The following SERTM1 variants were observed in gnomAD, a reference collection of about 807,000 sequenced individuals.
SERTM1 encodes serine-rich and transmembrane domain-containing protein 1.
In SERTM1, 1 loss-of-function variant was observed where a neutral mutation model predicts 5.5. The observed-to-expected ratio is 0.18, with a 90% confidence interval of 0.06 to 0.86. The LOEUF (loss-of-function observed/expected upper bound fraction) is 0.86. Among genes scored for constraint, SERTM1 ranks in the 40% least tolerant of loss-of-function variants. The pLI is 0.69. For missense variants in SERTM1, 91 were observed against 122.4 expected (o/e 0.74, Z 1.21); for synonymous variants, 52 against 55.1 (o/e 0.94, Z 0.25).
chr13:36,676,494 T>C (rs2056670881), intron 1 of SERTM1, among the ~76,000 whole-genome samples: 1 of 152,162 alleles, frequency 6.6e-6, no homozygotes, highest in Admixed American at 6.5e-5. Context: ...AAAATAAAAT[T>C]ATGGCTGAAT....
intron 1 of SERTM1, among the ~76,000 whole-genome samples, chr13:36,686,708 G>A (rs943704147): frequency 2.6e-4 from 39 of 152,174 alleles, no homozygotes; most frequent in African/African-American, 9.2e-4. Context: ...TTTAATATTG[G>A]TATAATTATC....
intron 1 of SERTM1, among the ~76,000 whole-genome samples, chr13:36,677,267 C>G (rs895803285): frequency 5.3e-5 from 8 of 152,154 alleles, no homozygotes; most frequent in Non-Finnish European, 7.3e-5. Context: ...CGTCAAACAG[C>G]CGTACACACT....
At chr13:36,684,314 G>A (rs1057235005) in intron 1 of SERTM1, among the ~76,000 whole-genome samples, 5 of 151,998 alleles carry the variant, frequency 3.3e-5, no homozygotes, top group East Asian at 1.9e-4. Context: ...AATTCTCTGA[G>A]CTTTAATTTT....
At chr13:36,685,764 C>T (rs917570111) in intron 1 of SERTM1, among the ~76,000 whole-genome samples, 2 of 152,112 alleles carry the variant, frequency 1.3e-5, no homozygotes, top group Non-Finnish European at 2.9e-5. Flanking sequence ...GGAGTGTGAG[C>T]CTTTTTATCT....
chr13:36,690,749 A>G (rs993431802), intron 1 of SERTM1, among the ~76,000 whole-genome samples: 1 of 152,256 alleles, frequency 6.6e-6, no homozygotes, highest in Non-Finnish European at 1.5e-5. Context: ...ATCTAAAACC[A>G]TTAATTCCAT....
chr13:36,687,344 A>G (rs1346496202), intron 1 of SERTM1, among the ~76,000 whole-genome samples: 2 of 152,210 alleles, frequency 1.3e-5, no homozygotes, highest in Admixed American at 1.3e-4. Flanking sequence ...TAGTTTAAAC[A>G]AATACATGAT....
chr13:36,692,864 G>A (rs1309429749), intron 1 of SERTM1, among the ~76,000 whole-genome samples: 12 of 152,200 alleles, frequency 7.9e-5, no homozygotes, highest in African/African-American at 2.9e-4. Context: ...TCACTGTCTA[G>A]CTATGTACCC....
intron 1 of SERTM1, among the ~76,000 whole-genome samples, chr13:36,685,179 ATT>A: frequency 6.6e-6 from 1 of 152,284 alleles, no homozygotes; most frequent in East Asian, 1.9e-4. Flanking sequence ...ACATGTAGAC[ATT>A]TTCTTTATTA....
Position 36,696,506 on chromosome 13 carries a change from T to A in SERTM1, c.*1104T>A, listed in dbSNP as rs2056815019. 1 of 166,948 alleles carries A rather than the reference T, an allele frequency of 6.0e-6. No individual in the cohort carries two copies. The highest frequency in any genetic ancestry group is 2.4e-5 in the African/African-American group (1 of 41,390). The allele number at this position is 166,948 out of a possible 1,614,324, so 10.3% of individuals were successfully genotyped here. A position where few individuals can be genotyped will look rare whatever the true frequency, so the allele number is the denominator to read the frequency against. On this transcript the variant is annotated 3_prime_UTR_variant, in exon 2 of 2. Transcript: ENST00000315190. The stretch of plus-strand genomic sequence containing the variant: ...CTACATTAGGATTTCAGGATGTGAG[T>A]TTGTATTAAAAATTGTAGGCACTCA...
Position 36,695,152 on chromosome 13 carries a change from C to T in SERTM1, c.74C>T (p.Thr25Ile). The change falls in exon 2 of 2, where the codon ACA (threonine) becomes ATA (isoleucine). Residue 25 changes from threonine (T) to isoleucine (I), a missense_variant. Transcript: ENST00000315190. ...ENGTFLELFP[T>I]SLSTSVDPSS... is the part of the protein sequence containing the mutation. The stretch of plus-strand genomic sequence containing the variant: ...GGAACTTTTCTTGAGCTGTTTCCCA[C>T]ATCCCTGTCCACGTCAGTGGACCCA... 1.2e-6 allele frequency: 2 copies of T among 1,614,200 alleles called. No homozygotes were observed. Among genetic ancestry groups the T allele is most frequent in the Non-Finnish European group, 1.7e-6 (2 of 1,179,992 alleles).
intron 1 of SERTM1, among the ~76,000 whole-genome samples, chr13:36,688,219 A>AT (rs948574969): frequency 9.8e-4 from 141 of 143,926 alleles, no homozygotes; most frequent in African/African-American, 1.0e-3. Flanking sequence ...TATTTCATGT[A>AT]TTTTTTTTTT....
chr13:36,686,822 TGAGGATCCTTATAA>T (rs1457076176), intron 1 of SERTM1, among the ~76,000 whole-genome samples: 13 of 152,170 alleles, frequency 8.5e-5, no homozygotes, highest in Admixed American at 8.5e-4. Context: ...GATCTTACAT[TGAGGATCCTTATAA>T]GGGAAGAAAT....
At chr13:36,681,280 A>C (rs1163136302) in intron 1 of SERTM1, among the ~76,000 whole-genome samples, 1 of 152,160 alleles carries the variant, frequency 6.6e-6, no homozygotes, top group Non-Finnish European at 1.5e-5. Context: ...CTTTTGTAGC[A>C]AGACTTTCTT....
chr13:36,694,034 C>A (rs1196206218), intron 1 of SERTM1, among the ~76,000 whole-genome samples: 2 of 152,162 alleles, frequency 1.3e-5, no homozygotes, highest in Non-Finnish European at 1.5e-5. Flanking sequence ...TCCCACCACA[C>A]ACTAAAGTCA....
intron 1 of SERTM1, among the ~76,000 whole-genome samples, chr13:36,688,361 C>T (rs564565256): frequency 4.5e-4 from 68 of 152,080 alleles, no homozygotes; most frequent in African/African-American, 1.3e-3. Context: ...TACAGGCACA[C>T]GCCATCATGC....
intron 1 of SERTM1, among the ~76,000 whole-genome samples, chr13:36,693,855 C>A (rs2056795157): frequency 6.6e-6 from 1 of 152,108 alleles, no homozygotes; most frequent in Admixed American, 6.5e-5. Flanking sequence ...GGAAGAGCAT[C>A]TTTTCTGGAC....
chr13:36,687,061 A>G (rs537937740), intron 1 of SERTM1, among the ~76,000 whole-genome samples: 1 of 152,324 alleles, frequency 6.6e-6, no homozygotes, highest in South Asian at 2.1e-4. Context: ...TTTATTTGGC[A>G]AAATTCATAT....
At chr13:36,692,857 C>G (rs933512537) in intron 1 of SERTM1, among the ~76,000 whole-genome samples, 1 of 152,224 alleles carries the variant, frequency 6.6e-6, no homozygotes, top group Non-Finnish European at 1.5e-5. Context: ...TTTTCTGTCA[C>G]TGTCTAGCTA....
rs2056811871 is a variant in SERTM1, at chr13:36,696,072, T to C, written c.*670T>C. ...ATGGAGCTTGTGATGTATTTCTGCC[T>C]CCTGGAGTTTTATTTTGTTTTTCTG... On this transcript the variant is annotated 3_prime_UTR_variant, in exon 2 of 2. Coordinates refer to ENST00000315190, the MANE Select transcript of SERTM1 (RefSeq NM_203451.3). 1.2e-5 allele frequency: 2 copies of C among 167,128 alleles called. No homozygotes were observed. The highest frequency in any genetic ancestry group is 2.1e-4 in the South Asian group (1 of 4,830). The allele number at this position is 167,128 out of a possible 1,614,324, so 10.4% of individuals were successfully genotyped here. A position where few individuals can be genotyped will look rare whatever the true frequency, so the allele number is the denominator to read the frequency against.
Sources: gnomAD v4.1 joint callset for allele counts (sites outside exome capture counted in the v4.1 genomes callset) on GRCh38, gnomAD v4.1.1 for gene constraint, MANE v1.5 for transcripts, NCBI Gene and HGNC (gene_info 2026-07-23, HGNC 2026-07-21) for gene names.